Variants in JAZF1 observed in about 807,000 individuals in gnomAD.
JAZF1 encodes juxtaposed with another zinc finger protein 1.
In JAZF1, 8 loss-of-function variants were observed where a neutral mutation model predicts 26.4. That is an observed-to-expected ratio of 0.30 (90% CI 0.18 to 0.55). The LOEUF is 0.55. JAZF1 is among the 20% of genes least tolerant of loss of function. The pLI is 0.94. For synonymous variants in JAZF1, 126 were observed against 122.3 expected (o/e 1.03, Z -0.20); for missense variants, 199 against 322.0 (o/e 0.62, Z 2.92).
chr7:27,987,097 C>A (rs1392997091), intron 2 of JAZF1, among the ~76,000 whole-genome samples: 1 of 151,998 alleles, frequency 6.6e-6, no homozygotes, highest in Non-Finnish European at 1.5e-5. Flanking sequence ...AAGTGAGGAG[C>A]GTCTCTGCCT....
At chr7:28,107,689 C>T (rs1298955129) in intron 1 of JAZF1, among the ~76,000 whole-genome samples, 1 of 152,144 alleles carries the variant, frequency 6.6e-6, no homozygotes, top group Non-Finnish European at 1.5e-5. Flanking sequence ...TCACAGGTTA[C>T]AACATTATCA....
intron 3 of JAZF1, among the ~76,000 whole-genome samples, chr7:27,889,489 A>T (rs1201988568): frequency 6.6e-6 from 1 of 152,250 alleles, no homozygotes; most frequent in East Asian, 1.9e-4. Context: ...TATATCTTCC[A>T]ATCATATGTC....
chr7:28,180,648 G>T lies in JAZF1; in HGVS notation c.-71C>A. 1.8e-6 allele frequency: 2 copies of T among 1,106,506 alleles called. No individual in the cohort carries two copies. Among genetic ancestry groups the T allele is most frequent in the South Asian group, 1.3e-5 (1 of 75,462 alleles). 68.5% of individuals were successfully genotyped at this position (1,106,506 alleles called of 1,614,324 possible). ...GGCGGGCGAGGGAGGGAGGGAGGCC[G>T]GGTGGGGTGAGGAGAGGAGGGGCTG... On this transcript the variant is annotated 5_prime_UTR_variant, in exon 1 of 5. Coordinates refer to ENST00000283928, the MANE Select transcript of JAZF1 (RefSeq NM_175061.4).
chr7:27,889,894 C>A (rs1783939333), intron 3 of JAZF1, among the ~76,000 whole-genome samples: 1 of 150,860 alleles, frequency 6.6e-6, no homozygotes, highest in Admixed American at 6.6e-5. Context: ...GATCACACCA[C>A]TGCACTCCAG....
intron 1 of JAZF1, among the ~76,000 whole-genome samples, chr7:28,053,066 C>T (rs1365778621): frequency 2.6e-5 from 4 of 152,152 alleles, no homozygotes; most frequent in African/African-American, 9.7e-5. Flanking sequence ...TATGCTTTGA[C>T]TCATAGTACA....
intron 1 of JAZF1, among the ~76,000 whole-genome samples, chr7:28,123,016 C>T (rs1024577621): frequency 6.6e-6 from 1 of 152,142 alleles, no homozygotes; most frequent in Non-Finnish European, 1.5e-5. Context: ...TCCTTAAAGA[C>T]AAAGATGTCA....
At chr7:27,844,442 G>C (rs1358151055) in intron 3 of JAZF1, 2 of 152,144 alleles carry the variant, frequency 1.3e-5, no homozygotes, top group African/African-American at 4.8e-5. Context: ...CCACACCTTT[G>C]CTAGGGAACT....
chr7:27,838,225 G>A (rs1782855258), intron 4 of JAZF1, among the ~76,000 whole-genome samples: 1 of 152,020 alleles, frequency 6.6e-6, no homozygotes, highest in Non-Finnish European at 1.5e-5. Flanking sequence ...TCTCTCTTTT[G>A]TTAGAGAGAA....
At chr7:27,914,342 G>C (rs1173006012) in intron 2 of JAZF1, among the ~76,000 whole-genome samples, 2 of 152,016 alleles carry the variant, frequency 1.3e-5, no homozygotes, top group Non-Finnish European at 2.9e-5. Flanking sequence ...CCTGAGGGAG[G>C]GCACAAAAAA....
At chr7:28,021,270 G>C (rs1428949644) in intron 1 of JAZF1, among the ~76,000 whole-genome samples, 3 of 152,204 alleles carry the variant, frequency 2.0e-5, no homozygotes, top group African/African-American at 7.2e-5. Context: ...AGTTGTGCAT[G>C]AAGGCATTTA....
At chr7:28,059,923 C>T (rs186544904) in intron 1 of JAZF1, among the ~76,000 whole-genome samples, 6 of 152,178 alleles carry the variant, frequency 3.9e-5, no homozygotes, top group Admixed American at 3.3e-4. Flanking sequence ...CATATCTAGG[C>T]ATACGGATCT....
At chr7:27,916,401 G>A (rs1784443912) in intron 2 of JAZF1, among the ~76,000 whole-genome samples, 1 of 152,104 alleles carries the variant, frequency 6.6e-6, no homozygotes, top group Non-Finnish European at 1.5e-5. Context: ...ATTGCTCCTA[G>A]GGGAAATTCA....
chr7:28,165,142 C>T (rs1347834933), intron 1 of JAZF1, among the ~76,000 whole-genome samples: 1 of 152,086 alleles, frequency 6.6e-6, no homozygotes, highest in East Asian at 1.9e-4. Context: ...GCACTCCAGC[C>T]TGGGTGACAG....
chr7:27,934,514 A>G (rs1583469716), intron 2 of JAZF1, among the ~76,000 whole-genome samples: 1 of 152,162 alleles, frequency 6.6e-6, no homozygotes, highest in Non-Finnish European at 1.5e-5. Context: ...TAAAACATAT[A>G]TATTACAGTG....
intron 1 of JAZF1, among the ~76,000 whole-genome samples, chr7:28,169,515 G>C (rs1783420344): frequency 6.6e-6 from 1 of 152,216 alleles, no homozygotes; most frequent in South Asian, 2.1e-4. Flanking sequence ...TCCTGAAGAT[G>C]AGTCATACTC....
intron 2 of JAZF1, among the ~76,000 whole-genome samples, chr7:27,926,529 C>T (rs1441440645): frequency 2.6e-5 from 4 of 152,210 alleles, no homozygotes; most frequent in African/African-American, 9.6e-5. Context: ...AGGTGCTCTA[C>T]TAATTGGAAA....
intron 1 of JAZF1, among the ~76,000 whole-genome samples, chr7:28,081,133 G>T (rs1489194419): frequency 6.6e-6 from 1 of 152,202 alleles, no homozygotes; most frequent in Non-Finnish European, 1.5e-5. Flanking sequence ...TGCATTCTTT[G>T]ACCTCAGGGC....
intron 1 of JAZF1, among the ~76,000 whole-genome samples, chr7:28,063,238 C>G (rs2128383142): frequency 6.6e-6 from 1 of 152,228 alleles, no homozygotes; most frequent in East Asian, 1.9e-4. Context: ...AACATTTTAA[C>G]AAGAATTTGC....
At chr7:28,020,595 C>T (rs1430723813) in intron 1 of JAZF1, 1 of 471,120 alleles carries the variant, frequency 2.1e-6, no homozygotes, top group African/African-American at 2.0e-5. Flanking sequence ...CGTACAACAA[C>T]CATGTCTTCA....
Sources: allele counts gnomAD v4.1 joint callset (sites outside exome capture counted in the v4.1 genomes callset), GRCh38; gene constraint gnomAD v4.1.1; transcripts MANE v1.5; gene names NCBI Gene and HGNC (gene_info 2026-07-23, HGNC 2026-07-21).